SASH1: variants seen among roughly 807,000 people sequenced by gnomAD.
SASH1 encodes the protein SAM and SH3 domain containing 1, also known as SAM and SH3 domain-containing protein 1.
A neutral mutation model predicts 125.2 loss-of-function variants in SASH1; 44 were observed. That is an observed-to-expected ratio of 0.35 (90% confidence interval 0.28 to 0.45). The LOEUF is 0.45. SASH1 is among the 20% of genes least tolerant of loss of function. The pLI, the probability that SASH1 is intolerant of heterozygous loss-of-function variation, is 1.00. For missense variants in SASH1, 1,426 were observed against 1,614.5 expected (o/e 0.88, Z 2.00); for synonymous variants, 639 against 649.1 (o/e 0.98, Z 0.24).
At chr6:148,415,329 T>C (rs1470115095) in intron 2 of SASH1, among the ~76,000 whole-genome samples, 1 of 152,220 alleles carries the variant, frequency 6.6e-6, no homozygotes, top group Non-Finnish European at 1.5e-5. Flanking sequence ...TTCCTTCCTA[T>C]TAAATAGTAA....
upstream of SASH1, among the ~76,000 whole-genome samples, chr6:148,269,522 G>A (rs1417920435): frequency 3.3e-5 from 5 of 152,158 alleles, no homozygotes; most frequent in African/African-American, 1.2e-4. Context: ...AAAGTGCTGG[G>A]ATTATAGGTG....
At chr6:148,250,373 G>C in the SASH1 span, among the ~76,000 whole-genome samples, 37,357 of 151,956 alleles carry the variant, frequency 0.25, 5,140 homozygotes, top group Non-Finnish European at 0.3. Flanking sequence ...GGCTAACAGA[G>C]AGAAAAATAT....
chr6:148,274,780 A>C (rs753895728), intron 1 of SASH1, among the ~76,000 whole-genome samples: 5 of 152,222 alleles, frequency 3.3e-5, no homozygotes, highest in Admixed American at 2.6e-4. Flanking sequence ...GAGAAAATAA[A>C]ATCAGTGTGG....
Position 148,343,167 on chromosome 6 carries a change from G to A in SASH1, c.100G>A (p.Gly34Ser), listed in dbSNP as rs1781397063. The change falls in exon 1 of 20, where the codon GGT becomes AGT. Residue 34 changes from glycine to serine, a missense_variant. This residue lies in a region of SASH1 where 567 missense variants were observed against 575.6 expected (regional missense o/e 0.99). Transcript: ENST00000367467. ...GGAGCCGGAACCGGAGCCCAAGCCG[G>A]GTGCTGGCACATCCGAGGCGTTCTC... is the stretch of plus-strand genomic sequence containing the variant. ...APEPEPEPKP[G>S]AGTSEAFSRL... 1 of 1,600,390 alleles carries A rather than the reference G, an allele frequency of 6.2e-7. No individual in the cohort carries two copies. The highest frequency in any genetic ancestry group is 1.1e-5 in the South Asian group (1 of 90,898).
At chr6:148,293,837 C>T (rs940671099) in intron 1 of SASH1, among the ~76,000 whole-genome samples, 71 of 152,200 alleles carry the variant, frequency 4.7e-4, no homozygotes, top group African/African-American at 1.5e-3. Context: ...CCAGCCGTCC[C>T]GGGAGGAGGA....
At chr6:148,323,874 C>T (rs1210998580) in intron 1 of SASH1, among the ~76,000 whole-genome samples, 1 of 151,968 alleles carries the variant, frequency 6.6e-6, no homozygotes, top group Non-Finnish European at 1.5e-5. Flanking sequence ...TGCCTGTAAT[C>T]CCAGCACTTT....
chr6:148,278,370 G>T (rs535121007), intron 1 of SASH1, among the ~76,000 whole-genome samples: 3 of 151,982 alleles, frequency 2.0e-5, no homozygotes, highest in Non-Finnish European at 2.9e-5. Context: ...CCCACATCTT[G>T]GTCTCCATTT....
intron 1 of SASH1, among the ~76,000 whole-genome samples, chr6:148,359,250 C>T (rs545848095): frequency 6.6e-6 from 1 of 151,816 alleles, no homozygotes; most frequent in South Asian, 2.1e-4. Context: ...CCTCCGCCTC[C>T]TGGGCTCAAG....
At chr6:148,517,418 C>T (rs569418399) in intron 9 of SASH1, among the ~76,000 whole-genome samples, 4 of 152,146 alleles carry the variant, frequency 2.6e-5, no homozygotes, top group Non-Finnish European at 4.4e-5. Context: ...GAGGCCTTCA[C>T]GTGAAGCAAA....
At chr6:148,361,497 G>A (rs554074958) in intron 1 of SASH1, among the ~76,000 whole-genome samples, 1 of 152,202 alleles carries the variant, frequency 6.6e-6, no homozygotes, top group African/African-American at 2.4e-5. Flanking sequence ...AGCTACTCGG[G>A]AGGCCGAGGC....
At chr6:148,259,138 G>T in the SASH1 span, among the ~76,000 whole-genome samples, 2 of 152,174 alleles carry the variant, frequency 1.3e-5, no homozygotes, top group Non-Finnish European at 2.9e-5. Context: ...GGATGAGGGA[G>T]AGATATTTAT....
chr6:148,527,856 A>G (rs1446837354), intron 12 of SASH1, among the ~76,000 whole-genome samples: 1 of 152,200 alleles, frequency 6.6e-6, no homozygotes, highest in Non-Finnish European at 1.5e-5. Context: ...AGAGACAGAC[A>G]TGTAAAGAAA....
chr6:148,433,412 T>C (rs1038163148), intron 2 of SASH1, among the ~76,000 whole-genome samples: 4 of 141,564 alleles, frequency 2.8e-5, no homozygotes, highest in Non-Finnish European at 6.0e-5. Flanking sequence ...TTTTCTTTTT[T>C]TTTTTTTTTT....
intron 1 of SASH1, among the ~76,000 whole-genome samples, chr6:148,276,817 G>A (rs957856511): frequency 3.9e-5 from 6 of 152,118 alleles, no homozygotes; most frequent in African/African-American, 1.4e-4. Flanking sequence ...TGACACAGTG[G>A]CTTGCACCTG....
chr6:148,304,853 T>A (rs1401194573), intron 1 of SASH1, among the ~76,000 whole-genome samples: 1 of 151,934 alleles, frequency 6.6e-6, no homozygotes, highest in East Asian at 1.9e-4. Context: ...CATGGTAAAA[T>A]CCCGTCTCTA....
At chr6:148,426,779 G>A (rs1348678504) in intron 2 of SASH1, among the ~76,000 whole-genome samples, 5 of 152,182 alleles carry the variant, frequency 3.3e-5, no homozygotes, top group African/African-American at 1.2e-4. Context: ...AGCTTATGTA[G>A]TGCTTCCTGT....
the SASH1 span, among the ~76,000 whole-genome samples, chr6:148,226,169 T>C: frequency 5.9e-5 from 9 of 152,090 alleles, no homozygotes; most frequent in African/African-American, 2.2e-4. Context: ...CCACATCAGA[T>C]TTTTTTTATT....
In SASH1 at chr6:148,439,903, G is replaced by T. The variant is rs10872615; in HGVS notation, c.286-281G>T. On this transcript the variant is annotated intron_variant, in intron 2 of 19. Coordinates refer to ENST00000367467, the MANE Select transcript of SASH1 (RefSeq NM_015278.5). Reference sequence around the variant, plus strand: ...CCACAGAATTATTTCACCATGAACTGTCAGTCCCCTTGACTGAAATTGTGC... The same window carrying T: ...CCACAGAATTATTTCACCATGAACTTTCAGTCCCCTTGACTGAAATTGTGC... Among the ~76,000 whole-genome samples the T allele has an allele frequency of 0.42, 64,126 of 152,046 alleles. 13,772 individuals carry two copies. Among genetic ancestry groups the T allele is most frequent in the South Asian group, 0.68 (3,281 of 4,814 alleles).
At chr6:148,509,235 CTTAAGT>C (rs952530450) in intron 8 of SASH1, 13 of 251,690 alleles carry the variant, frequency 5.2e-5, no homozygotes, top group African/African-American at 2.9e-4. Context: ...GCTTCCTTCT[CTTAAGT>C]TTAAGATTAA....
Sources: allele counts gnomAD v4.1 joint callset (sites outside exome capture counted in the v4.1 genomes callset), GRCh38; gene constraint gnomAD v4.1.1; regional missense constraint gnomAD v4.1.1; transcripts MANE v1.5; gene names NCBI Gene and HGNC (gene_info 2026-07-23, HGNC 2026-07-21).